Variants in IPO11 observed in about 807,000 individuals in gnomAD.
IPO11 encodes importin-11.
IPO11 carries 66 observed loss-of-function variants against 143.2 expected under a neutral mutation model. The ratio of observed to expected loss-of-function variants is 0.46; its 90% confidence interval spans 0.38 to 0.57. The LOEUF (loss-of-function observed/expected upper bound fraction) is 0.57, where lower values mean the gene tolerates loss of function less well. Among genes scored for constraint, IPO11 ranks in the 20% least tolerant of loss-of-function variants. The pLI is 0.00. For synonymous variants in IPO11, 385 were observed against 377.8 expected (o/e 1.02, Z -0.22); for missense variants, 1,026 against 1,141.0 (o/e 0.90, Z 1.45).
At chr5:62,417,638 A>G (rs1170299603) in intron 1 of IPO11, among the ~76,000 whole-genome samples, 1 of 152,170 alleles carries the variant, frequency 6.6e-6, no homozygotes, top group African/African-American at 2.4e-5. Flanking sequence ...TCAGATAAAA[A>G]TCCAAACTAC....
chr5:62,461,235 G>T (rs784918), intron 5 of IPO11, among the ~76,000 whole-genome samples: 3 of 151,732 alleles, frequency 2.0e-5, no homozygotes, highest in Admixed American at 2.0e-4. Flanking sequence ...TGGGAGGTTG[G>T]GGGGATGGGG....
intron 29 of IPO11, among the ~76,000 whole-genome samples, chr5:62,615,660 C>T (rs1746103438): frequency 6.6e-6 from 1 of 152,176 alleles, no homozygotes. Flanking sequence ...AGGCAGCATC[C>T]AATCTGCAAA....
intron 29 of IPO11, among the ~76,000 whole-genome samples, chr5:62,611,009 G>C (rs187216263): frequency 6.6e-6 from 1 of 152,210 alleles, no homozygotes; most frequent in Admixed American, 6.5e-5. Flanking sequence ...CTCTAAGTTT[G>C]ATTAACTGAC....
chr5:62,599,556 A>G (rs1308735927), intron 28 of IPO11, among the ~76,000 whole-genome samples: 1 of 152,206 alleles, frequency 6.6e-6, no homozygotes, highest in Non-Finnish European at 1.5e-5. Flanking sequence ...TTAAACCCAG[A>G]AATGACTTAA....
chr5:62,564,866 C>T (rs993000340), intron 27 of IPO11, among the ~76,000 whole-genome samples: 1 of 152,166 alleles, frequency 6.6e-6, no homozygotes, highest in Non-Finnish European at 1.5e-5. Flanking sequence ...ACTTTAGGAC[C>T]ACACTCAAAT....
chr5:62,476,590 AAT>A lies in IPO11; in HGVS notation c.758-91_758-90del, dbSNP rs1745964535. On this transcript the variant is annotated intron_variant, in intron 8 of 29. Transcript: ENST00000325324. The stretch of plus-strand genomic sequence containing the variant: ...GAATTCATAATGCAAAATATGCAAA[AAT>A]AAAACCAGCAATATTATTTTTGTAA... 3.8e-6 allele frequency: 5 copies of A among 1,328,130 alleles called. No individual in the cohort carries two copies. The East Asian group carries it at 8.1e-5, about 21-fold the overall frequency. The allele number at this position is 1,328,130 out of a possible 1,614,324, so 82.3% of individuals were successfully genotyped here.
intron 8 of IPO11, 127 bp downstream of exon 8, chr5:62,474,591 A>G (rs1745890766): frequency 2.9e-6 from 2 of 695,134 alleles, no homozygotes; most frequent in South Asian, 1.9e-5. Flanking sequence ...TCTGTTGCAC[A>G]CTTATAAATC....
At chr5:62,462,961 T>TA (rs1305454408) in intron 5 of IPO11, among the ~76,000 whole-genome samples, 3 of 152,050 alleles carry the variant, frequency 2.0e-5, no homozygotes, top group Non-Finnish European at 2.9e-5. Flanking sequence ...CTATGGCTCT[T>TA]ACGACTAGTG....
chr5:62,552,377 T>A (rs1239328869), intron 26 of IPO11, among the ~76,000 whole-genome samples: 1 of 151,994 alleles, frequency 6.6e-6, no homozygotes, highest in African/African-American at 2.4e-5. Context: ...TAGACTAATC[T>A]AATTAGAGAT....
intron 27 of IPO11, chr5:62,578,779 G>GC (rs1744419129): frequency 2.3e-6 from 1 of 426,816 alleles, no homozygotes; most frequent in Non-Finnish European, 4.7e-6. Flanking sequence ...TGTTTCCTGA[G>GC]CAAACGGTGA....
intron 21 of IPO11, among the ~76,000 whole-genome samples, chr5:62,528,318 A>C (rs1025857823): frequency 2.6e-5 from 4 of 152,184 alleles, no homozygotes; most frequent in African/African-American, 4.8e-5. Flanking sequence ...CATGAAGATG[A>C]TAGGAGGGTT....
intron 1 of IPO11, among the ~76,000 whole-genome samples, chr5:62,420,868 G>T (rs1288803697): frequency 6.6e-6 from 1 of 152,222 alleles, no homozygotes; most frequent in East Asian, 1.9e-4. Context: ...GGCGTGAGCC[G>T]CCATTTTTAT....
intron 20 of IPO11, among the ~76,000 whole-genome samples, chr5:62,519,237 AT>A (rs200974974): frequency 1.1e-3 from 172 of 151,706 alleles, no homozygotes; most frequent in African/African-American, 3.8e-3. Flanking sequence ...AGTACATTTT[AT>A]TTTTTTTTAA....
chr5:62,619,244 CTAA>C (rs1011396083), intron 29 of IPO11, among the ~76,000 whole-genome samples: 1 of 152,168 alleles, frequency 6.6e-6, no homozygotes, highest in African/African-American at 2.4e-5. Context: ...TGAAAAATTA[CTAA>C]TGACATTCTT....
In IPO11 at chr5:62,460,750, A is replaced by G. The variant is rs183377769; in HGVS notation, c.517-6381A>G. 1.1e-4 allele frequency among the ~76,000 whole-genome samples: 17 copies of G among 152,322 alleles called. No individual in the cohort carries two copies. The East Asian group carries it at 3.3e-3, about 29-fold the overall frequency. On this transcript the variant is annotated intron_variant, in intron 5 of 29. Transcript: ENST00000325324. Reference sequence around the variant, plus strand: ...GGGGTTTCATGAACTAGTACCTAACATGTTTCATTAAACAGTTTATTTGCA... The same window carrying G: ...GGGGTTTCATGAACTAGTACCTAACGTGTTTCATTAAACAGTTTATTTGCA...
chr5:62,549,421 A>G (rs1743320639), intron 24 of IPO11, among the ~76,000 whole-genome samples: 2 of 152,200 alleles, frequency 1.3e-5, no homozygotes, highest in Admixed American at 6.5e-5. Context: ...GGCACACAGT[A>G]AGCAGACACT....
intron 1 of IPO11, among the ~76,000 whole-genome samples, chr5:62,413,644 G>C (rs1056151181): frequency 3.3e-5 from 5 of 152,204 alleles, no homozygotes; most frequent in Non-Finnish European, 5.9e-5. Flanking sequence ...CTAGTGCCAA[G>C]GTTGCAGTTG....
chr5:62,566,615 A>G (rs1743947775), intron 27 of IPO11, among the ~76,000 whole-genome samples: 2 of 151,712 alleles, frequency 1.3e-5, no homozygotes, highest in African/African-American at 2.4e-5. Flanking sequence ...GTGCATGCCT[A>G]TAATCCTAGC....
At chr5:62,511,426 T>C (rs1051230906) in intron 19 of IPO11, among the ~76,000 whole-genome samples, 5 of 152,218 alleles carry the variant, frequency 3.3e-5, no homozygotes, top group African/African-American at 9.7e-5. Context: ...AGAAATAATA[T>C]TATAATCAAA....
Sources: allele counts gnomAD v4.1 joint callset (sites outside exome capture counted in the v4.1 genomes callset), GRCh38; gene constraint gnomAD v4.1.1; transcripts MANE v1.5; gene names NCBI Gene and HGNC (gene_info 2026-07-23, HGNC 2026-07-21).